Variants in CENPP observed in about 807,000 individuals in gnomAD.
The protein encoded by CENPP is centromere protein P.
Under a neutral mutation model 35.6 loss-of-function variants are expected in CENPP, and 24 were observed. That is an observed-to-expected ratio of 0.67 (90% CI 0.49 to 0.95). The LOEUF (loss-of-function observed/expected upper bound fraction) is 0.95, where lower values mean the gene tolerates loss of function less well. CENPP is among the 40% of genes least tolerant of loss of function. The pLI is 0.00. For missense variants in CENPP, 332 were observed against 345.3 expected, an observed-to-expected ratio of 0.96 and a Z score of 0.31; for synonymous variants, 120 against 125.5, an observed-to-expected ratio of 0.96 and a Z score of 0.29.
At chr9:92,450,158 A>G (rs865846364) in intron 5 of CENPP, among the ~76,000 whole-genome samples, 1 of 151,792 alleles carries the variant, frequency 6.6e-6, no homozygotes, top group Non-Finnish European at 1.5e-5. Flanking sequence ...GGTAAGTTAC[A>G]TATGTATACA....
intron 5 of CENPP, among the ~76,000 whole-genome samples, chr9:92,445,281 G>C (rs2131010540): frequency 6.6e-6 from 1 of 152,260 alleles, no homozygotes; most frequent in East Asian, 1.9e-4. Context: ...CCAGCAATGA[G>C]TCCCGGTGCG....
chr9:92,577,803 T>TTTA lies in CENPP; in HGVS notation c.565-33500_565-33498dup, dbSNP rs1156577777. ...TATCTTTTATTTATTTATTTATTTA[T>TTTA]TTATTATTATTATACTTTAAGTTTT... On this transcript the variant is annotated intron_variant, in intron 5 of 7. Transcript: ENST00000375587. Among the ~76,000 whole-genome samples the TTTA allele has an allele frequency of 4.6e-5, 7 of 151,758 alleles. 1 individual carries two copies. Among genetic ancestry groups the TTTA allele is most frequent in the South Asian group, 4.2e-4 (2 of 4,808 alleles).
intron 5 of CENPP, among the ~76,000 whole-genome samples, chr9:92,545,440 AC>A (rs1849413699): frequency 6.6e-6 from 1 of 152,176 alleles, no homozygotes; most frequent in Non-Finnish European, 1.5e-5. Context: ...GTGCCGGCCC[AC>A]CGGCGCTGTG....
intron 5 of CENPP, among the ~76,000 whole-genome samples, chr9:92,418,390 ATT>A (rs959049639): frequency 1.4e-5 from 2 of 145,736 alleles, no homozygotes; most frequent in Non-Finnish European, 3.0e-5. Flanking sequence ...CCTGGCCGAG[ATT>A]TTTTTTTTTT....
At chr9:92,419,627 C>T (rs1046823737) in intron 5 of CENPP, among the ~76,000 whole-genome samples, 7 of 152,126 alleles carry the variant, frequency 4.6e-5, no homozygotes, top group Admixed American at 3.9e-4. Context: ...CCTGCTTATC[C>T]GCCTGGTCGT....
chr9:92,594,892 CTTTTTTTTTTT>C (rs1213825480), intron 5 of CENPP, among the ~76,000 whole-genome samples: 1 of 105,118 alleles, frequency 9.5e-6, no homozygotes, highest in African/African-American at 3.6e-5. Flanking sequence ...GGTTGCTCTT[CTTTTTTTTTTT>C]TTTTTTTTTT....
intron 5 of CENPP, among the ~76,000 whole-genome samples, chr9:92,426,866 T>G (rs1029102521): frequency 3.3e-5 from 5 of 152,188 alleles, no homozygotes; most frequent in African/African-American, 1.2e-4. Context: ...AGTACACACA[T>G]AGACCTCCTT....
Position 92,611,328 on chromosome 9 carries a change from T to G in CENPP, c.579T>G (p.Asp193Glu), listed in dbSNP as rs1349164537. Residue 193 changes from aspartate to glutamate, a missense_variant, in exon 6 of 8, where the codon GAT becomes GAG. Coordinates refer to ENST00000375587, the MANE Select transcript of CENPP (RefSeq NM_001012267.3). ...TFKHLKEKYP[D>E]AVYLSEGPSS... ...TCCCCATGCAGGAAAAGTACCCAGA[T>G]GCCGTGTACCTCTCGGAGGGGCCCT... is the stretch of plus-strand genomic sequence containing the variant. 12 of 1,613,724 alleles carry G rather than the reference T, an allele frequency of 7.4e-6. No homozygotes were observed. Among genetic ancestry groups the G allele is most frequent in the East Asian group, 2.2e-5 (1 of 44,846 alleles).
chr9:92,578,202 T>A (rs1255735769), intron 5 of CENPP, among the ~76,000 whole-genome samples: 4 of 152,074 alleles, frequency 2.6e-5, no homozygotes, highest in Non-Finnish European at 5.9e-5. Flanking sequence ...TCTATCATTG[T>A]TGGGCATTTG....
At chr9:92,377,778 G>A (rs1005782604) in intron 4 of CENPP, among the ~76,000 whole-genome samples, 1 of 152,162 alleles carries the variant, frequency 6.6e-6, no homozygotes, top group African/African-American at 2.4e-5. Flanking sequence ...ATATCCTATT[G>A]TGGTCTGCCC....
rs1482905925 is a variant in CENPP, at chr9:92,617,176, A to T, written c.*4027A>T. 6.6e-6 allele frequency: 1 copy of T among 152,246 alleles called. No individual in the cohort carries two copies. Among genetic ancestry groups the T allele is most frequent in the Non-Finnish European group, 1.5e-5 (1 of 68,086 alleles). The allele number at this position is 152,246 out of a possible 1,614,324, so 9.4% of individuals were successfully genotyped here. A position where few individuals can be genotyped will look rare whatever the true frequency, so the allele number is the denominator to read the frequency against. ...GCTCCAGAAGCTGGAGTGTGCCTGC[A>T]GCTCATCCCAAGGGGCCACATTTTA... On this transcript the variant is annotated 3_prime_UTR_variant, in exon 8 of 8. Transcript: ENST00000375587.
At chr9:92,325,815 C>T (rs1840442053), upstream of CENPP, 2 of 554,300 alleles carry the variant, frequency 3.6e-6, no homozygotes, top group African/African-American at 4.0e-5. Flanking sequence ...GACTCAGGCT[C>T]TCGTGCGAGA....
At position 92,552,215 on chromosome 9, in the gene CENPP, A is replaced by ACACACC. The variant is rs896731912; in HGVS notation, c.565-59098_565-59097insACACCC. On this transcript the variant is annotated intron_variant, in intron 5 of 7. Transcript: ENST00000375587. ...TACACACACACACACACACACACAC[A>ACACACC]CCCCACAGTTTCTTTATCCACTTGT... is the stretch of plus-strand genomic sequence containing the variant. Among the ~76,000 whole-genome samples the ACACACC allele has an allele frequency of 1.6e-4, 23 of 146,896 alleles. 1 individual carries two copies. The highest frequency in any genetic ancestry group is 3.1e-4 in the African/African-American group (12 of 39,096).
At chr9:92,489,737 C>G (rs1846136029) in intron 5 of CENPP, among the ~76,000 whole-genome samples, 1 of 152,084 alleles carries the variant, frequency 6.6e-6, no homozygotes, top group Admixed American at 6.6e-5. Flanking sequence ...TCACTCTGTT[C>G]CGTGCCATGG....
At chr9:92,325,496 T>C, upstream of CENPP, 1 of 153,128 alleles carries the variant, frequency 6.5e-6, no homozygotes, top group Non-Finnish European at 1.5e-5. Flanking sequence ...CTCCGTCACC[T>C]CCCCCTCAAC....
rs975539122 is a variant in CENPP, at chr9:92,431,121, T to A, written c.564+51262T>A. Among the ~76,000 whole-genome samples, 18 of 152,218 alleles carry A rather than the reference T, an allele frequency of 1.2e-4. 1 individual carries two copies. The highest frequency in any genetic ancestry group is 3.4e-4 in the African/African-American group (14 of 41,546). On this transcript the variant is annotated intron_variant, in intron 5 of 7. Transcript: ENST00000375587. Reference sequence around the variant, plus strand: ...TTTCTTTATTTTTAAATTTAAAAAATTTTTTTGCATTTGAAAATCTGGTGT... The same window carrying A: ...TTTCTTTATTTTTAAATTTAAAAAAATTTTTTGCATTTGAAAATCTGGTGT...
intron 5 of CENPP, chr9:92,496,330 T>C: frequency 6.3e-7 from 1 of 1,581,984 alleles, no homozygotes; most frequent in Non-Finnish European, 8.6e-7. Context: ...TGATGTTTTG[T>C]GGTTTAAGAA....
chr9:92,417,451 A>G, intron 5 of CENPP: 1 of 1,614,060 alleles, frequency 6.2e-7, no homozygotes, highest in Non-Finnish European at 8.5e-7. Context: ...GGTAATCATC[A>G]TCTGGCTCTT....
intron 5 of CENPP, among the ~76,000 whole-genome samples, chr9:92,395,520 A>G (rs1262252170): frequency 6.6e-6 from 1 of 152,126 alleles, no homozygotes; most frequent in East Asian, 1.9e-4. Context: ...CTCTTGGGTA[A>G]GTACCTAAGG....
Sources: allele counts gnomAD v4.1 joint callset (sites outside exome capture counted in the v4.1 genomes callset), GRCh38; gene constraint gnomAD v4.1.1; transcripts MANE v1.5; gene names NCBI Gene and HGNC (gene_info 2026-07-23, HGNC 2026-07-21).